FRMPD4: variants seen among roughly 807,000 people sequenced by gnomAD.
FRMPD4 encodes the protein FERM and PDZ domain-containing protein 4.
In FRMPD4, 22 loss-of-function variants were observed where a neutral mutation model predicts 94.1. That is an observed-to-expected ratio of 0.23 (90% CI 0.17 to 0.33). FRMPD4 has a LOEUF of 0.33. Among genes scored for constraint, FRMPD4 ranks in the 10% least tolerant of loss-of-function variants. FRMPD4 has a pLI of 1.00. For synonymous variants in FRMPD4, 631 were observed against 548.6 expected (o/e 1.15, Z -2.10); for missense variants, 1,111 against 1,339.9 (o/e 0.83, Z 2.67).
intron 3 of FRMPD4, among the ~76,000 whole-genome samples, chrX:12,099,296 A>G (rs1407516972): frequency 9.0e-6 from 1 of 111,514 alleles, no homozygotes; most frequent in Non-Finnish European, 1.9e-5. Flanking sequence ...ATCAAAAACT[A>G]TTGCTCTAAA....
chrX:12,036,282 A>G (rs1014684388), intron 3 of FRMPD4, among the ~76,000 whole-genome samples: 5 of 112,248 alleles, frequency 4.5e-5, no homozygotes, highest in African/African-American at 1.6e-4. Flanking sequence ...CAGACCAACC[A>G]AGATTGAGAG....
chrX:12,029,358 G>A (rs747293116), intron 3 of FRMPD4, among the ~76,000 whole-genome samples: 3 of 111,833 alleles, frequency 2.7e-5, no homozygotes, highest in Admixed American at 9.5e-5. Flanking sequence ...GGTATATTTC[G>A]GATAGCAGTC....
intron 1 of FRMPD4, among the ~76,000 whole-genome samples, chrX:12,300,794 G>A (rs755269281): frequency 8.1e-4 from 91 of 111,842 alleles, no homozygotes; most frequent in Non-Finnish European, 1.6e-3. Context: ...GTGGCCCAAT[G>A]TTAGATCCAC....
At chrX:12,566,176 G>A (rs550185894) in intron 2 of FRMPD4, among the ~76,000 whole-genome samples, 1 of 111,681 alleles carries the variant, frequency 9.0e-6, no homozygotes, top group East Asian at 2.8e-4. Flanking sequence ...AACGAATTAT[G>A]ATTAAAGAGA....
intron 2 of FRMPD4, among the ~76,000 whole-genome samples, chrX:12,528,299 G>T (rs767556941): frequency 4.6e-4 from 47 of 102,993 alleles, no homozygotes; most frequent in Non-Finnish European, 7.1e-4. Context: ...CAGTCTGTTA[G>T]TCTGTTTTTT....
chrX:12,655,525 T>C (rs1031175191), intron 4 of FRMPD4, among the ~76,000 whole-genome samples: 3 of 112,338 alleles, frequency 2.7e-5, no homozygotes, highest in African/African-American at 9.7e-5. Context: ...TACAGTATGG[T>C]AGCCTCTAGT....
chrX:12,180,163 A>G (rs2056342272), intron 1 of FRMPD4, among the ~76,000 whole-genome samples: 1 of 111,885 alleles, frequency 8.9e-6, no homozygotes, highest in African/African-American at 3.2e-5. Context: ...GGTAGCCACT[A>G]GCCACATGTA....
At chrX:11,920,551 C>G (rs1184160520) in intron 3 of FRMPD4, among the ~76,000 whole-genome samples, 1 of 112,117 alleles carries the variant, frequency 8.9e-6, no homozygotes, top group Non-Finnish European at 1.9e-5. Context: ...TTTAACCTCC[C>G]CTTAGGAGGA....
At chrX:11,849,928 G>A (rs1464525502) in intron 1 of FRMPD4, among the ~76,000 whole-genome samples, 5 of 111,219 alleles carry the variant, frequency 4.5e-5, no homozygotes, top group East Asian at 2.8e-4. Flanking sequence ...TAGATAAACC[G>A]GATTATGTCA....
In FRMPD4 at chrX:12,172,757, C is replaced by T. The variant is rs778038693; in HGVS notation, c.41+33745C>T. On this transcript the variant is annotated intron_variant, in intron 1 of 16. Transcript: ENST00000675598. ...TGAAAGGGGCCATGAGCCAGGAATA[C>T]AAATGGCCTCCTCTCTAGAAGCTAG... Among the ~76,000 whole-genome samples, 8 of 112,251 alleles carry T rather than the reference C, an allele frequency of 7.1e-5. No individual in the cohort carries two copies. In the South Asian group the frequency reaches 2.2e-3, roughly 31 times the overall value.
At chrX:12,286,283 A>C (rs1264465652) in intron 1 of FRMPD4, among the ~76,000 whole-genome samples, 1 of 110,650 alleles carries the variant, frequency 9.0e-6, no homozygotes, top group Non-Finnish European at 1.9e-5. Context: ...CTTGTGAGAT[A>C]ATCTTGCTGT....
chrX:11,822,713 G>A (rs769654655), exon 1 of FRMPD4, among the ~76,000 whole-genome samples: 2 of 112,158 alleles, frequency 1.8e-5, no homozygotes, highest in South Asian at 3.7e-4. Flanking sequence ...GGCCACTGAC[G>A]AGGTGAGTGT....
chrX:12,334,443 T>G (rs973058647), intron 1 of FRMPD4, among the ~76,000 whole-genome samples: 4 of 111,293 alleles, frequency 3.6e-5, no homozygotes, highest in African/African-American at 1.3e-4. Context: ...CCAAGTCAAG[T>G]GCAATGACAA....
intron 1 of FRMPD4, among the ~76,000 whole-genome samples, chrX:12,448,943 C>T (rs1267929944): frequency 9.0e-6 from 1 of 111,529 alleles, no homozygotes; most frequent in Non-Finnish European, 1.9e-5. Flanking sequence ...TAGGATCCCG[C>T]TTGAACAGCC....
At chrX:12,715,998 G>GCCGGGC in intron 14 of FRMPD4, 71 bp from the exon 15 acceptor site, 1 of 383,857 alleles carries the variant, frequency 2.6e-6, no homozygotes, top group East Asian at 4.2e-5. Flanking sequence ...ACAGAGACGA[G>GCCGGGC]CCTCCCACCC....
At position 12,211,276 on chromosome X, in the gene FRMPD4, A is replaced by G. The variant is rs941215329; in HGVS notation, c.41+72264A>G. On this transcript the variant is annotated intron_variant, in intron 1 of 16. Transcript: ENST00000675598. Reference sequence around the variant, plus strand: ...GGTGGTATGTAAGGTTGGGCAAAGCAGCTTGCATCTTCTTCAGACTTGGAT... The same window carrying G: ...GGTGGTATGTAAGGTTGGGCAAAGCGGCTTGCATCTTCTTCAGACTTGGAT... Among the ~76,000 whole-genome samples the G allele has an allele frequency of 2.7e-5, 3 of 112,324 alleles. No individual in the cohort carries two copies. The East Asian group carries it at 8.4e-4, about 31-fold the overall frequency.
intron 1 of FRMPD4, among the ~76,000 whole-genome samples, chrX:12,401,591 TAAGAA>T (rs947823604): frequency 3.6e-5 from 4 of 112,026 alleles, no homozygotes; most frequent in African/African-American, 1.3e-4. Context: ...AATGTGGAAA[TAAGAA>T]AAGAGGAATA....
intron 2 of FRMPD4, among the ~76,000 whole-genome samples, chrX:12,560,160 G>A (rs2058637983): frequency 9.0e-6 from 1 of 111,596 alleles, no homozygotes; most frequent in Middle Eastern, 4.6e-3. Context: ...AAAGGTTTGT[G>A]ATTCCATAAT....
At chrX:12,252,086 T>C (rs2054048244) in intron 1 of FRMPD4, among the ~76,000 whole-genome samples, 1 of 112,265 alleles carries the variant, frequency 8.9e-6, no homozygotes, top group South Asian at 3.7e-4. Flanking sequence ...TAATTCTCAG[T>C]AGCACAACTC....
Sources: gnomAD v4.1 joint callset for allele counts (sites outside exome capture counted in the v4.1 genomes callset) on GRCh38, gnomAD v4.1.1 for gene constraint, MANE v1.5 for transcripts, NCBI Gene and HGNC (gene_info 2026-07-23, HGNC 2026-07-21) for gene names.